Variants in MICU1 observed in about 807,000 individuals in gnomAD.
MICU1 encodes calcium uptake protein 1, mitochondrial.
Under a neutral mutation model 56.8 loss-of-function variants are expected in MICU1, and 45 were observed. The ratio of observed to expected loss-of-function variants is 0.79; its 90% CI spans 0.62 to 1.02. MICU1 has a LOEUF of 1.02. MICU1 is among the 50% of genes least tolerant of loss of function. The probability of loss-of-function intolerance (pLI) is 0.00; values close to 1 mark genes in which losing one functional copy is unlikely to be tolerated. For missense variants in MICU1, 504 were observed against 587.1 expected, an observed-to-expected ratio of 0.86 and a Z score of 1.46; for synonymous variants, 186 against 195.1, an observed-to-expected ratio of 0.95 and a Z score of 0.39.
At chr10:72,403,845 C>T (rs887251117) in intron 10 of MICU1, among the ~76,000 whole-genome samples, 1 of 151,614 alleles carries the variant, frequency 6.6e-6, no homozygotes, top group Non-Finnish European at 1.5e-5. Context: ...TTAGTAGAGA[C>T]GGGGTTTCAC....
At chr10:72,374,641 A>T (rs1862454768) in intron 11 of MICU1, among the ~76,000 whole-genome samples, 1 of 152,062 alleles carries the variant, frequency 6.6e-6, no homozygotes. Context: ...GAAGCTCCAT[A>T]GGCTGGAGCT....
At chr10:72,562,079 C>T (rs1276556163) in intron 3 of MICU1, among the ~76,000 whole-genome samples, 2 of 150,294 alleles carry the variant, frequency 1.3e-5, no homozygotes, top group Non-Finnish European at 3.0e-5. Flanking sequence ...ATAGGAACTG[C>T]TGTAGTGGAA....
chr10:72,484,752 C>T (rs1367156523), intron 6 of MICU1, among the ~76,000 whole-genome samples: 1 of 152,176 alleles, frequency 6.6e-6, no homozygotes, highest in African/African-American at 2.4e-5. Context: ...GAGACCCTCT[C>T]TACCTCCCCA....
intron 5 of MICU1, among the ~76,000 whole-genome samples, chr10:72,518,726 A>G (rs1233875300): frequency 6.6e-6 from 1 of 152,136 alleles, no homozygotes; most frequent in Non-Finnish European, 1.5e-5. Context: ...TCTGTTGCCC[A>G]GGCTGAAGTG....
chr10:72,489,208 T>TAA (rs1413801541), intron 6 of MICU1, among the ~76,000 whole-genome samples: 3 of 151,310 alleles, frequency 2.0e-5, no homozygotes, highest in African/African-American at 7.3e-5. Flanking sequence ...GAGAATCGCT[T>TAA]AAAACCTGGG....
rs180851320 is a variant in MICU1, at chr10:72,469,623, A to G, written c.933+5477T>C. ...ATGACCTATTTATATGCCTGTTGCC[A>G]TACTAGGTGGCAGTGGGTATAAATG... is the stretch of plus-strand genomic sequence containing the variant. On this transcript the variant is annotated intron_variant, in intron 8 of 11. Transcript: ENST00000361114. 1.1e-3 allele frequency among the ~76,000 whole-genome samples: 169 copies of G among 152,344 alleles called. 1 individual carries two copies. Among genetic ancestry groups the G allele is most frequent in the African/African-American group, 3.9e-3 (162 of 41,576 alleles).
At chr10:72,470,964 T>C (rs1865932808) in intron 8 of MICU1, among the ~76,000 whole-genome samples, 1 of 152,232 alleles carries the variant, frequency 6.6e-6, no homozygotes, top group African/African-American at 2.4e-5. Context: ...CTAGAGTAAG[T>C]ATCTTAGATA....
At chr10:72,425,430 G>A (rs753025783) in intron 8 of MICU1, among the ~76,000 whole-genome samples, 1 of 152,180 alleles carries the variant, frequency 6.6e-6, no homozygotes, top group African/African-American at 2.4e-5. Context: ...ACAAGGCCTC[G>A]CCTCTGTTTT....
intron 8 of MICU1, among the ~76,000 whole-genome samples, chr10:72,431,233 T>G (rs1589213066): frequency 6.6e-6 from 1 of 151,818 alleles, no homozygotes; most frequent in Admixed American, 6.6e-5. Flanking sequence ...CAGGTTCAAG[T>G]GATTCTCATG....
chr10:72,608,357 C>A (rs1324834027), intron 1 of MICU1, among the ~76,000 whole-genome samples: 2 of 152,158 alleles, frequency 1.3e-5, no homozygotes, highest in African/African-American at 4.8e-5. Flanking sequence ...CAGGTGTGAG[C>A]CACCTCTCCT....
rs541754875 is a variant in MICU1, at chr10:72,531,002, C to A, written c.537+2744G>T. ...GGAAAATATTATTTTTATATTTGTT[C>A]TTACTTTCAATGACAAAAAGGCTGA... is the stretch of plus-strand genomic sequence containing the variant. On this transcript the variant is annotated intron_variant, in intron 5 of 11. Transcript: ENST00000361114. Among the ~76,000 whole-genome samples the A allele has an allele frequency of 2.0e-5, 3 of 152,100 alleles. No homozygotes were observed. The South Asian group carries it at 6.2e-4, about 32-fold the overall frequency.
chr10:72,462,564 C>T (rs1221732076), intron 8 of MICU1, among the ~76,000 whole-genome samples: 3 of 152,170 alleles, frequency 2.0e-5, no homozygotes, highest in Non-Finnish European at 4.4e-5. Context: ...TAGCCACGGA[C>T]TGTTGTAGCT....
At position 72,562,999 on chromosome 10, in the gene MICU1, T is replaced by A; in HGVS notation, c.226A>T (p.Asn76Tyr). Residue 76 changes from asparagine to tyrosine, a missense_variant, in exon 3 of 12, where the codon AAT becomes TAT. By Grantham distance (143) the Asn-to-Tyr change is moderately radical. Coordinates refer to ENST00000361114, the MANE Select transcript of MICU1 (RefSeq NM_001195518.2). ...TTACAAACATCCCCTTCATCTTTAT[T>A]CTTCCCTTTATCACCGATGTCACTT... ...LKSDIGDKGK[N>Y]KDEGDVCNHE... The A allele has an allele frequency of 2.5e-6, 4 of 1,609,762 alleles. No homozygotes were observed. Among genetic ancestry groups the A allele is most frequent in the Non-Finnish European group, 3.4e-6 (4 of 1,178,002 alleles).
At chr10:72,433,340 G>C (rs1419520085) in intron 8 of MICU1, among the ~76,000 whole-genome samples, 1 of 144,236 alleles carries the variant, frequency 6.9e-6, no homozygotes, top group African/African-American at 2.6e-5. Context: ...TCTATCTCCT[G>C]GGTTCAAGTG....
intron 1 of MICU1, among the ~76,000 whole-genome samples, chr10:72,623,511 G>A (rs1255843999): frequency 2.6e-5 from 4 of 152,134 alleles, no homozygotes; most frequent in Non-Finnish European, 5.9e-5. Flanking sequence ...GGAGGCCAAG[G>A]CGGGAGGATC....
intron 1 of MICU1, among the ~76,000 whole-genome samples, chr10:72,587,402 G>A (rs910089303): frequency 3.3e-5 from 5 of 149,390 alleles, no homozygotes; most frequent in Non-Finnish European, 5.9e-5. Flanking sequence ...AGGAGTTTGA[G>A]GTTATAGTGA....
At chr10:72,495,181 T>C (rs1047621455) in intron 6 of MICU1, among the ~76,000 whole-genome samples, 2 of 94,090 alleles carry the variant, frequency 2.1e-5, no homozygotes, top group Admixed American at 9.0e-5. Context: ...TACTATTTTA[T>C]GCCCAAATTA....
intron 7 of MICU1, among the ~76,000 whole-genome samples, chr10:72,476,250 GAC>G (rs1866118503): frequency 7.3e-6 from 1 of 136,116 alleles, no homozygotes; most frequent in Non-Finnish European, 1.6e-5. Flanking sequence ...AAAAAAAAGA[GAC>G]AGGGTCTTGC....
intron 10 of MICU1, among the ~76,000 whole-genome samples, chr10:72,392,697 A>G (rs1013727560): frequency 6.6e-6 from 1 of 152,264 alleles, no homozygotes; most frequent in African/African-American, 2.4e-5. Flanking sequence ...GCTCTTAACC[A>G]TTACACATTT....
Sources: gnomAD v4.1 joint callset for allele counts (sites outside exome capture counted in the v4.1 genomes callset) on GRCh38, gnomAD v4.1.1 for gene constraint, MANE v1.5 for transcripts, NCBI Gene and HGNC (gene_info 2026-07-23, HGNC 2026-07-21) for gene names.